The following CCDC175 variants were observed in gnomAD, a reference collection of about 807,000 sequenced individuals.
CCDC175 encodes the protein coiled-coil domain-containing protein 175.
CCDC175 carries 100 observed loss-of-function variants against 114.6 expected under a neutral mutation model. That is an observed-to-expected ratio of 0.87 (90% CI 0.74 to 1.03). CCDC175 has a LOEUF of 1.03. Among genes scored for constraint, CCDC175 ranks in the 50% least tolerant of loss-of-function variants. The pLI, the probability that CCDC175 is intolerant of heterozygous loss-of-function variation, is 0.00. For missense variants in CCDC175, 880 were observed against 917.8 expected (o/e 0.96, Z 0.53); for synonymous variants, 306 against 308.7 (o/e 0.99, Z 0.09).
At chr14:59,516,759 A>G (rs984738158) in intron 17 of CCDC175, among the ~76,000 whole-genome samples, 47 of 152,336 alleles carry the variant, frequency 3.1e-4, no homozygotes, top group Non-Finnish European at 5.9e-4. Context: ...AGCTGGTACC[A>G]TTCCTTCTGA....
In CCDC175 at chr14:59,574,681, A is replaced by G. The variant is rs570782072; in HGVS notation, c.243+262T>C. ...TTAACTGAACCGTATTATCACCCAC[A>G]TTGCTTTCTCTAAATGAGCTTGCCC... On this transcript the variant is annotated intron_variant, in intron 2 of 19. Transcript: ENST00000537690. 1.2e-4 allele frequency among the ~76,000 whole-genome samples: 19 copies of G among 152,286 alleles called. No homozygotes were observed. In the South Asian group the frequency reaches 2.7e-3, roughly 22 times the overall value.
intron 17 of CCDC175, among the ~76,000 whole-genome samples, chr14:59,516,898 A>T (rs551863990): frequency 7.5e-4 from 114 of 152,322 alleles, no homozygotes; most frequent in Middle Eastern, 3.4e-3. Flanking sequence ...ATCCCTGATG[A>T]ACATTGATGC....
At chr14:59,552,081 A>T (rs999059051) in intron 7 of CCDC175, among the ~76,000 whole-genome samples, 6 of 152,240 alleles carry the variant, frequency 3.9e-5, no homozygotes, top group African/African-American at 1.4e-4. Context: ...AAACCTCTGC[A>T]GATTTAAACG....
intron 17 of CCDC175, among the ~76,000 whole-genome samples, chr14:59,519,476 C>T (rs1201880634): frequency 3.9e-5 from 6 of 152,076 alleles, no homozygotes; most frequent in Non-Finnish European, 8.8e-5. Context: ...GATAGATGGG[C>T]TTCGTTCAAA....
At chr14:59,561,010 T>C (rs1421786115) in intron 7 of CCDC175, 109 bp downstream of exon 7, 2 of 540,122 alleles carry the variant, frequency 3.7e-6, no homozygotes, top group Non-Finnish European at 6.3e-6. Context: ...ATAATTTTCA[T>C]GTCAAATTAA....
intron 17 of CCDC175, among the ~76,000 whole-genome samples, chr14:59,512,650 T>C (rs1892819509): frequency 6.6e-6 from 1 of 152,224 alleles, no homozygotes; most frequent in Non-Finnish European, 1.5e-5. Flanking sequence ...TACCTGATAC[T>C]ACACTACAGC....
At chr14:59,556,476 A>T (rs1218362352) in intron 7 of CCDC175, among the ~76,000 whole-genome samples, 1 of 152,262 alleles carries the variant, frequency 6.6e-6, no homozygotes. Context: ...TGGATTAAAG[A>T]CTTAAGTCTT....
At chr14:59,505,710 C>T (rs1892321382) in intron 19 of CCDC175, among the ~76,000 whole-genome samples, 1 of 152,074 alleles carries the variant, frequency 6.6e-6, no homozygotes, top group Non-Finnish European at 1.5e-5. Flanking sequence ...TTTGTTAAAA[C>T]GTGGTCATAA....
intron 17 of CCDC175, among the ~76,000 whole-genome samples, chr14:59,516,750 G>C (rs932040220): frequency 6.6e-6 from 1 of 152,176 alleles, no homozygotes; most frequent in Non-Finnish European, 1.5e-5. Flanking sequence ...ACAAGGAGGA[G>C]CTGGTACCAT....
chr14:59,521,366 C>T (rs977327265), intron 17 of CCDC175, among the ~76,000 whole-genome samples: 1 of 152,220 alleles, frequency 6.6e-6, no homozygotes, highest in African/African-American at 2.4e-5. Flanking sequence ...GCACTGTTGG[C>T]TTCCCTACTT....
chr14:59,574,927 A>G lies in CCDC175; in HGVS notation c.243+16T>C, dbSNP rs757507180. Reference sequence around the variant, plus strand: ...GTGGAAGATTGAAGAAATGGTTCTTATAGATAATACAATACCAATTTCTTA... The same window carrying G: ...GTGGAAGATTGAAGAAATGGTTCTTGTAGATAATACAATACCAATTTCTTA... On this transcript the variant is annotated intron_variant, in intron 2 of 19. Coordinates refer to ENST00000537690, the MANE Select transcript of CCDC175 (RefSeq NM_001164399.2). 8.2e-5 allele frequency: 106 copies of G among 1,292,386 alleles called. No individual in the cohort carries two copies. Among genetic ancestry groups the G allele is most frequent in the Non-Finnish European group, 1.1e-4 (101 of 939,878 alleles). 80.1% of individuals were successfully genotyped at this position (1,292,386 alleles called of 1,614,324 possible). A position where few individuals can be genotyped will look rare whatever the true frequency, so the allele number is the denominator to read the frequency against.
At chr14:59,506,418 G>A (rs1466495342) in intron 19 of CCDC175, among the ~76,000 whole-genome samples, 1 of 151,596 alleles carries the variant, frequency 6.6e-6, no homozygotes, top group Non-Finnish European at 1.5e-5. Flanking sequence ...CTCCCAAGCA[G>A]CTGGGATTAT....
intron 2 of CCDC175, among the ~76,000 whole-genome samples, chr14:59,573,348 G>A (rs928473689): frequency 3.3e-5 from 5 of 151,982 alleles, no homozygotes; most frequent in South Asian, 2.1e-4. Context: ...AATAGCTATA[G>A]CTATTTTATG....
intron 8 of CCDC175, among the ~76,000 whole-genome samples, chr14:59,546,769 C>G (rs922858173): frequency 3.3e-5 from 5 of 151,782 alleles, no homozygotes; most frequent in African/African-American, 1.2e-4. Flanking sequence ...CTGGGAGGTC[C>G]GAGGCTGCAG....
At chr14:59,528,361 A>T (rs1174129164) in intron 14 of CCDC175, among the ~76,000 whole-genome samples, 3 of 151,870 alleles carry the variant, frequency 2.0e-5, no homozygotes, top group Admixed American at 1.3e-4. Flanking sequence ...ATTTGCTTGG[A>T]CATTTAAAAA....
chr14:59,536,221 T>C (rs762959947), intron 13 of CCDC175, among the ~76,000 whole-genome samples: 4 of 152,088 alleles, frequency 2.6e-5, no homozygotes, highest in Non-Finnish European at 4.4e-5. Context: ...AGGAGGGTCC[T>C]GCCTCAGGCC....
chr14:59,536,888 T>C (rs905952367), intron 13 of CCDC175, among the ~76,000 whole-genome samples: 2 of 152,084 alleles, frequency 1.3e-5, no homozygotes, highest in African/African-American at 4.8e-5. Context: ...TTCAGGTAAT[T>C]CTCTGCCTCA....
Position 59,527,429 on chromosome 14 carries a change from A to T in CCDC175, c.1763-255T>A, listed in dbSNP as rs997053182. Among the ~76,000 whole-genome samples the T allele has an allele frequency of 3.3e-5, 5 of 152,164 alleles. 1 individual carries two copies. The highest frequency in any genetic ancestry group is 3.3e-4 in the Admixed American group (5 of 15,280). ...TGCATATATGCCTATTTTCTGATTTATCATTTTCAGGCATTTTCCATTTAC... is the reference window on the plus strand; with the variant it reads ...TGCATATATGCCTATTTTCTGATTTTTCATTTTCAGGCATTTTCCATTTAC... On this transcript the variant is annotated intron_variant, in intron 14 of 19. Coordinates refer to ENST00000537690, the MANE Select transcript of CCDC175 (RefSeq NM_001164399.2).
rs1374601881 is a variant in CCDC175 at position 59,565,108 on chromosome 14, T to C, written c.659A>G (p.Glu220Gly). ...ALQKKCIQEA[E>G]ELMEKERAEY... ...TGCCCTTTCTTTTTCCATTAGCTCC[T>C]CTGCCTCTTGAATACATTTTTTTTG... The change falls in exon 5 of 20, where the codon GAG (glutamate) becomes GGG (glycine). Residue 220 changes from glutamate to glycine, a missense_variant. Glu to Gly is a moderately conservative substitution (Grantham distance 98). Coordinates refer to ENST00000537690, the MANE Select transcript of CCDC175 (RefSeq NM_001164399.2). 6.5e-7 allele frequency: 1 copy of C among 1,537,856 alleles called. No individual in the cohort carries two copies.
Sources: allele counts gnomAD v4.1 joint callset (sites outside exome capture counted in the v4.1 genomes callset), GRCh38; gene constraint gnomAD v4.1.1; transcripts MANE v1.5; gene names NCBI Gene and HGNC (gene_info 2026-07-23, HGNC 2026-07-21).